The following ANXA7 variants were observed in gnomAD, a reference collection of about 807,000 sequenced individuals.
The protein encoded by ANXA7 is annexin VII.
A neutral mutation model predicts 64.9 loss-of-function variants in ANXA7; 55 were observed. That is an observed-to-expected ratio of 0.85 (90% confidence interval 0.68 to 1.06). ANXA7 has a LOEUF of 1.06. Among genes scored for constraint, ANXA7 ranks in the 50% least tolerant of loss-of-function variants. The pLI is 0.00. For synonymous variants in ANXA7, 200 were observed against 192.4 expected (o/e 1.04, Z -0.33); for missense variants, 548 against 582.1 (o/e 0.94, Z 0.60).
Position 73,375,136 on chromosome 10 carries a change from C to T in ANXA7, c.*959G>A, listed in dbSNP as rs2055150277. 1 of 151,942 alleles carries T rather than the reference C, an allele frequency of 6.6e-6. No homozygotes were observed. Among genetic ancestry groups the T allele is most frequent in the Non-Finnish European group, 1.5e-5 (1 of 68,034 alleles). 9.4% of individuals were successfully genotyped at this position (151,942 alleles called of 1,614,324 possible). A position where few individuals can be genotyped will look rare whatever the true frequency, so the allele number is the denominator to read the frequency against. On this transcript the variant is annotated 3_prime_UTR_variant, in exon 13 of 13. Coordinates refer to ENST00000372921, the MANE Select transcript of ANXA7 (RefSeq NM_001156.5). ...CATTTATACGTGGAATCTAAAATAG[C>T]TGAACTTAAACACAGTGGTGGTTGT... is the stretch of plus-strand genomic sequence containing the variant.
intron 2 of ANXA7, among the ~76,000 whole-genome samples, chr10:73,399,187 A>G (rs902293446): frequency 1.3e-5 from 2 of 152,140 alleles, no homozygotes; most frequent in African/African-American, 4.8e-5. Flanking sequence ...TGGAAACCCA[A>G]AACACTGCAT....
chr10:73,390,231 T>C (rs1564526149), intron 5 of ANXA7, among the ~76,000 whole-genome samples: 1 of 152,250 alleles, frequency 6.6e-6, no homozygotes, highest in Admixed American at 6.5e-5. Context: ...TTTAAAGTTA[T>C]ACACATTGAA....
chr10:73,396,013 T>A, intron 5 of ANXA7: 1 of 1,374,940 alleles, frequency 7.3e-7, no homozygotes, highest in South Asian at 1.2e-5. Flanking sequence ...AAGGACCTAG[T>A]GATTAGTAAA....
At chr10:73,404,708 C>CTATATATATATA (rs59482006) in intron 1 of ANXA7, among the ~76,000 whole-genome samples, 1 of 143,816 alleles carries the variant, frequency 7.0e-6, no homozygotes, top group African/African-American at 2.5e-5. Context: ...ACAAATATCC[C>CTATATATATATA]TATATATATA....
At chr10:73,387,893 G>T (rs555501119) in intron 6 of ANXA7, 110 bp from the exon 7 acceptor site, 3 of 706,594 alleles carry the variant, frequency 4.2e-6, no homozygotes, top group South Asian at 5.1e-5. Context: ...CACCCAGACT[G>T]GGGGTGCAAG....
At chr10:73,378,273 G>A (rs949058619) in intron 12 of ANXA7, among the ~76,000 whole-genome samples, 2 of 151,416 alleles carry the variant, frequency 1.3e-5, no homozygotes, top group Non-Finnish European at 2.9e-5. Flanking sequence ...AGCTACTCGA[G>A]AGGCTGAGGT....
intron 1 of ANXA7, among the ~76,000 whole-genome samples, chr10:73,411,914 T>C (rs2055847776): frequency 6.6e-6 from 1 of 151,070 alleles, no homozygotes; most frequent in South Asian, 2.1e-4. Context: ...TGTGCTGCCA[T>C]TATGTGTAAA....
intron 2 of ANXA7, among the ~76,000 whole-genome samples, chr10:73,399,432 A>G (rs1382090416): frequency 6.6e-6 from 1 of 152,156 alleles, no homozygotes; most frequent in Non-Finnish European, 1.5e-5. Context: ...GAGCTATATA[A>G]TCACTTTGCA....
At position 73,375,950 on chromosome 10, in the gene ANXA7, C is replaced by A; in HGVS notation, c.*145G>T. The A allele has an allele frequency of 1.7e-6, 1 of 577,700 alleles. No homozygotes were observed. Among genetic ancestry groups the A allele is most frequent in the Non-Finnish European group, 2.7e-6 (1 of 363,776 alleles). 35.8% of individuals were successfully genotyped at this position (577,700 alleles called of 1,614,324 possible). A position where few individuals can be genotyped will look rare whatever the true frequency, so the allele number is the denominator to read the frequency against. Reference sequence around the variant, plus strand: ...AGAATTAAGGCAATAACAACATGTGCAAACCAAGCACATTACCCTGATACG... The same window carrying A: ...AGAATTAAGGCAATAACAACATGTGAAAACCAAGCACATTACCCTGATACG... On this transcript the variant is annotated 3_prime_UTR_variant, in exon 13 of 13. Transcript: ENST00000372921.
intron 2 of ANXA7, 37 bp downstream of exon 2, chr10:73,400,766 G>C: frequency 6.5e-7 from 1 of 1,547,592 alleles, no homozygotes; most frequent in Non-Finnish European, 8.8e-7. Flanking sequence ...AACAACACCT[G>C]TTTTAAGGAT....
intron 1 of ANXA7, among the ~76,000 whole-genome samples, chr10:73,413,654 C>T (rs901544620): frequency 6.6e-6 from 1 of 152,252 alleles, no homozygotes; most frequent in Non-Finnish European, 1.5e-5. Context: ...ACCAGCCAGA[C>T]GGCTTTCAGC....
intron 9 of ANXA7, 101 bp downstream of exon 9, chr10:73,383,074 C>T: frequency 9.2e-7 from 1 of 1,083,156 alleles, no homozygotes; most frequent in Non-Finnish European, 1.3e-6. Flanking sequence ...GGCAATATTG[C>T]AAGGTGGCTA....
intron 7 of ANXA7, 137 bp from the exon 8 acceptor site, chr10:73,383,827 A>G: frequency 1.5e-6 from 1 of 660,380 alleles, no homozygotes; most frequent in Non-Finnish European, 2.6e-6. Flanking sequence ...TAATATACTA[A>G]GAAGTAAATA....
intron 5 of ANXA7, among the ~76,000 whole-genome samples, chr10:73,392,830 T>C (rs1239959670): frequency 6.6e-6 from 1 of 152,094 alleles, no homozygotes; most frequent in Non-Finnish European, 1.5e-5. Flanking sequence ...CTATTCAACA[T>C]AGTGTTGGAA....
rs1461779421 is a variant in ANXA7 at position 73,411,314 on chromosome 10, G to T, written c.-2+2698C>A. On this transcript the variant is annotated intron_variant, in intron 1 of 12. Transcript: ENST00000372921. ...GACTCAGAAAGGGGAGGGTGAAAGG[G>T]GGCTAGGAATCAAAAACTACACATT... Among the ~76,000 whole-genome samples the T allele has an allele frequency of 3.9e-5, 6 of 152,104 alleles. No individual in the cohort carries two copies. The East Asian group carries it at 1.2e-3, about 29-fold the overall frequency.
intron 7 of ANXA7, 66 bp from the exon 8 acceptor site, chr10:73,383,756 G>GT: frequency 9.9e-7 from 1 of 1,006,442 alleles, no homozygotes; most frequent in Non-Finnish European, 1.5e-6. Flanking sequence ...AATCTTTTAA[G>GT]GAAAATACAA....
At chr10:73,409,903 A>T (rs987894825) in intron 1 of ANXA7, among the ~76,000 whole-genome samples, 10 of 152,202 alleles carry the variant, frequency 6.6e-5, no homozygotes, top group Admixed American at 5.2e-4. Context: ...ACACAAAAAC[A>T]AAAATTGGGG....
intron 1 of ANXA7, among the ~76,000 whole-genome samples, chr10:73,406,410 A>G (rs2055759489): frequency 6.6e-6 from 1 of 151,890 alleles, no homozygotes. Context: ...CACCCTCCCA[A>G]TTTTCTCAGA....
At chr10:73,386,243 T>C (rs537168672) in intron 7 of ANXA7, among the ~76,000 whole-genome samples, 1 of 149,484 alleles carries the variant, frequency 6.7e-6, no homozygotes, top group South Asian at 2.1e-4. Context: ...AGCAAAGCAG[T>C]GCTATCCATG....
Sources: gnomAD v4.1 joint callset for allele counts (sites outside exome capture counted in the v4.1 genomes callset) on GRCh38, gnomAD v4.1.1 for gene constraint, MANE v1.5 for transcripts, NCBI Gene and HGNC (gene_info 2026-07-23, HGNC 2026-07-21) for gene names.